Variants in MYOM1 observed in about 807,000 individuals in gnomAD.
MYOM1 encodes the protein myomesin-1.
MYOM1 carries 164 observed loss-of-function variants against 205.3 expected under a neutral mutation model. The ratio of observed to expected loss-of-function variants is 0.80; its 90% CI spans 0.70 to 0.91. MYOM1 has a LOEUF of 0.91. Among genes scored for constraint, MYOM1 ranks in the 40% least tolerant of loss-of-function variants. MYOM1 has a pLI of 0.00. For synonymous variants in MYOM1, 772 were observed against 789.4 expected (o/e 0.98, Z 0.37); for missense variants, 2,011 against 2,127.3 (o/e 0.95, Z 1.08).
At chr18:3,093,874 C>G in intron 26 of MYOM1, among the ~76,000 whole-genome samples, 1 of 152,108 alleles carries the variant, frequency 6.6e-6, no homozygotes, top group Non-Finnish European at 1.5e-5. Context: ...GGCTCCTCTG[C>G]CTCCCAGGAG....
chr18:3,126,731 A>G lies in MYOM1; in HGVS notation c.2961T>C (p.Asn987=). The change falls in exon 19 of 38, where the codon AAT becomes AAC. Residue 987 remains asparagine, a synonymous_variant. Coordinates refer to ENST00000356443, the MANE Select transcript of MYOM1 (RefSeq NM_003803.4). ...DGVPGKWREA[N]VKAVSEEAYK... is the part of the protein sequence containing the mutation. ...ATGCCTCCTCACTGACAGCCTTGAC[A>G]TTGGCTTCTCTCCATTTTCCTGGTA... 6.2e-7 allele frequency: 1 copy of G among 1,613,724 alleles called. No individual in the cohort carries two copies. Among genetic ancestry groups the G allele is most frequent in the Non-Finnish European group, 8.5e-7 (1 of 1,179,752 alleles).
rs190216657 is a variant in MYOM1 at position 3,089,028 on chromosome 18, A to T, written c.4137+146T>A. 3.3e-3 allele frequency: 1,654 copies of T among 499,452 alleles called. 6 individuals carry two copies. The highest frequency in any genetic ancestry group is 4.1e-3 in the Non-Finnish European group (1,130 of 278,680). 30.9% of individuals were successfully genotyped at this position (499,452 alleles called of 1,614,324 possible). On this transcript the variant is annotated intron_variant, in intron 29 of 37. Coordinates refer to ENST00000356443, the MANE Select transcript of MYOM1 (RefSeq NM_003803.4). ...TTATTTTAAATCTTTCTTATCAACA[A>T]ATGGTTACAGTAACATTGAACAGTA... is the stretch of plus-strand genomic sequence containing the variant.
intron 36 of MYOM1, among the ~76,000 whole-genome samples, chr18:3,074,303 A>T (rs72858615): frequency 0.14 from 21,870 of 152,118 alleles, 1,919 homozygotes; most frequent in African/African-American, 0.25. Context: ...AAAGTGGAGA[A>T]GGGAGTGGAG....
intron 4 of MYOM1, 113 bp downstream of exon 4, chr18:3,188,634 GA>G (rs374255109): frequency 0.047 from 37,699 of 809,206 alleles, 5 homozygotes; most frequent in East Asian, 0.064. Context: ...ATCTCAAAAG[GA>G]AAAAAAAAAA....
chr18:3,222,008 C>A (rs1487685657), upstream of MYOM1, among the ~76,000 whole-genome samples: 1 of 152,174 alleles, frequency 6.6e-6, no homozygotes, highest in Non-Finnish European at 1.5e-5. Context: ...TGCCCCAAAT[C>A]TTCTCAAAGC....
At position 3,116,478 on chromosome 18, in the gene MYOM1, T is replaced by C; in HGVS notation, c.3156A>G (p.Lys1052=). Residue 1052 remains lysine, a synonymous_variant, in exon 21 of 38, where the codon AAA becomes AAG. Transcript: ENST00000356443. ...PHSLKCSEVR[K]DSLVLQWKPP... is the part of the protein sequence containing the mutation. ...GCTTCCACTGGAGAACCAGTGAGTC[T>C]TTCCTGACTTCACTACACTTGAGAC... 2 of 1,606,906 alleles carry C rather than the reference T, an allele frequency of 1.2e-6. No homozygotes were observed. Among genetic ancestry groups the C allele is most frequent in the South Asian group, 1.1e-5 (1 of 90,048 alleles).
chr18:3,115,101 G>A (rs2079586465), intron 21 of MYOM1, among the ~76,000 whole-genome samples: 1 of 151,906 alleles, frequency 6.6e-6, no homozygotes, highest in South Asian at 2.1e-4. Context: ...CATCATCTAG[G>A]ATGTTCCTGA....
At chr18:3,169,259 A>G (rs928328875) in intron 8 of MYOM1, among the ~76,000 whole-genome samples, 14 of 152,178 alleles carry the variant, frequency 9.2e-5, no homozygotes, top group Non-Finnish European at 1.3e-4. Context: ...AATGTCTTCA[A>G]TGCAAATTAA....
chr18:3,216,447 G>C (rs1054962021), intron 1 of MYOM1, among the ~76,000 whole-genome samples: 5 of 152,214 alleles, frequency 3.3e-5, no homozygotes, highest in Non-Finnish European at 5.9e-5. Flanking sequence ...GCAGGTAAGA[G>C]GGATGGATGC....
intron 8 of MYOM1, among the ~76,000 whole-genome samples, chr18:3,172,516 CT>C (rs796101623): frequency 3.2e-4 from 47 of 146,476 alleles, no homozygotes; most frequent in Middle Eastern, 3.5e-3. Flanking sequence ...TCCAACTATT[CT>C]TTTTTTTTTT....
intron 37 of MYOM1, among the ~76,000 whole-genome samples, chr18:3,069,694 G>A (rs917577554): frequency 4.0e-5 from 6 of 150,266 alleles, no homozygotes; most frequent in African/African-American, 1.5e-4. Flanking sequence ...AACACCCCCT[G>A]ACAGTCTAGT....
At chr18:3,196,136 G>A (rs2080988162) in intron 2 of MYOM1, among the ~76,000 whole-genome samples, 1 of 152,120 alleles carries the variant, frequency 6.6e-6, no homozygotes, top group Admixed American at 6.6e-5. Flanking sequence ...ATGCTAAGAC[G>A]TTTATGTATT....
In MYOM1 at chr18:3,187,657, A is replaced by G. The variant is rs1303761140; in HGVS notation, c.772-20T>C. 1 of 1,566,878 alleles carries G rather than the reference A, an allele frequency of 6.4e-7. No individual in the cohort carries two copies. Among genetic ancestry groups the G allele is most frequent in the Non-Finnish European group, 8.7e-7 (1 of 1,146,566 alleles). ...TTCTAACTGAAAAAACAAATATGCA[A>G]ACAAACATATTACCAAAATACCAAT... On this transcript the variant is annotated intron_variant, in intron 4 of 37. Coordinates refer to ENST00000356443, the MANE Select transcript of MYOM1 (RefSeq NM_003803.4).
At chr18:3,216,076 C>T (rs137955537) in intron 1 of MYOM1, among the ~76,000 whole-genome samples, 4,698 of 152,030 alleles carry the variant, frequency 0.031, 238 homozygotes, top group African/African-American at 0.1. Flanking sequence ...AAGACCAGCC[C>T]GGCCAACATG....
chr18:3,180,993 C>T (rs2080721919), intron 5 of MYOM1, among the ~76,000 whole-genome samples: 1 of 151,318 alleles, frequency 6.6e-6, no homozygotes, highest in African/African-American at 2.4e-5. Flanking sequence ...GTGGCACGAT[C>T]TGTGCTCACT....
chr18:3,167,803 A>G (rs1013345147), intron 9 of MYOM1, among the ~76,000 whole-genome samples: 1 of 152,182 alleles, frequency 6.6e-6, no homozygotes, highest in Non-Finnish European at 1.5e-5. Flanking sequence ...GTGTTACTTT[A>G]AATATACTTT....
intron 36 of MYOM1, among the ~76,000 whole-genome samples, chr18:3,073,277 G>A (rs1303944154): frequency 6.6e-6 from 1 of 152,204 alleles, no homozygotes; most frequent in Non-Finnish European, 1.5e-5. Flanking sequence ...CCTCAGCCAA[G>A]CTATATGCCC....
At chr18:3,121,476 T>G (rs1211993897) in intron 19 of MYOM1, among the ~76,000 whole-genome samples, 1 of 152,134 alleles carries the variant, frequency 6.6e-6, no homozygotes, top group East Asian at 1.9e-4. Context: ...GATGGTGCAA[T>G]TACATCTTCA....
intron 19 of MYOM1, 106 bp downstream of exon 19, chr18:3,126,595 G>A (rs1567920133): frequency 4.1e-6 from 4 of 981,582 alleles, no homozygotes; most frequent in Non-Finnish European, 5.9e-6. Flanking sequence ...GGACTCTGGA[G>A]AAATGACGTG....
Sources: allele counts gnomAD v4.1 joint callset (sites outside exome capture counted in the v4.1 genomes callset), GRCh38; gene constraint gnomAD v4.1.1; transcripts MANE v1.5; gene names NCBI Gene and HGNC (gene_info 2026-07-23, HGNC 2026-07-21).